The following MDGA2 variants were observed in gnomAD, a reference collection of about 807,000 sequenced individuals.
MDGA2 encodes the protein MAM domain containing glycosylphosphatidylinositol anchor 2, also known as MAM domain-containing glycosylphosphatidylinositol anchor protein 2.
A neutral mutation model predicts 117.8 loss-of-function variants in MDGA2; 40 were observed. The observed-to-expected ratio is 0.34, with a 90% CI of 0.26 to 0.44. The LOEUF is 0.44. Among genes scored for constraint, MDGA2 ranks in the 20% least tolerant of loss-of-function variants. MDGA2 has a pLI of 1.00. For missense variants in MDGA2, 1,123 were observed against 1,250.6 expected (o/e 0.90, Z 1.54); for synonymous variants, 452 against 439.0 (o/e 1.03, Z -0.37).
chr14:47,538,089 A>G (rs2144323), intron 1 of MDGA2, among the ~76,000 whole-genome samples: 47,843 of 152,168 alleles, frequency 0.31, 8,455 homozygotes, highest in East Asian at 0.59. Flanking sequence ...AATTTAAACT[A>G]TAATTGCTAG....
chr14:47,377,326 T>C (rs1177721123), intron 1 of MDGA2, among the ~76,000 whole-genome samples: 1 of 152,158 alleles, frequency 6.6e-6, no homozygotes, highest in Non-Finnish European at 1.5e-5. Context: ...GATTTCTGCA[T>C]TGCTAACTGA....
chr14:47,162,735 C>A (rs1203172222), intron 3 of MDGA2, among the ~76,000 whole-genome samples: 1 of 151,832 alleles, frequency 6.6e-6, no homozygotes, highest in Non-Finnish European at 1.5e-5. Context: ...TCCCTCTTTC[C>A]CCTCCTCATG....
chr14:47,537,391 C>T (rs1275030149), intron 1 of MDGA2, among the ~76,000 whole-genome samples: 5 of 150,728 alleles, frequency 3.3e-5, no homozygotes, highest in African/African-American at 1.2e-4. Flanking sequence ...ACCAACATGG[C>T]ACATGTATAC....
chr14:47,211,550 C>A (rs886909782), intron 3 of MDGA2, among the ~76,000 whole-genome samples: 2 of 152,148 alleles, frequency 1.3e-5, no homozygotes, highest in Non-Finnish European at 2.9e-5. Context: ...AAAGGTCCTG[C>A]AAGAAAGCCT....
intron 5 of MDGA2, among the ~76,000 whole-genome samples, chr14:47,124,824 A>G (rs1401901644): frequency 6.6e-6 from 1 of 152,096 alleles, no homozygotes; most frequent in Non-Finnish European, 1.5e-5. Context: ...CACAGCAAGA[A>G]AGCAGCCATC....
chr14:47,028,887 G>A (rs1329936275), intron 8 of MDGA2, among the ~76,000 whole-genome samples: 1 of 151,998 alleles, frequency 6.6e-6, no homozygotes, highest in Non-Finnish European at 1.5e-5. Context: ...AAAATTTTTG[G>A]ATAGCCTTTT....
chr14:46,938,407 C>T (rs1039929639), intron 9 of MDGA2, among the ~76,000 whole-genome samples: 4 of 151,030 alleles, frequency 2.6e-5, no homozygotes, highest in East Asian at 2.0e-4. Flanking sequence ...GGTGTAGTGG[C>T]GGGAGCCTAT....
chr14:47,435,287 A>T lies in MDGA2; in HGVS notation c.281-133737T>A, dbSNP rs182852743. 4.5e-3 allele frequency among the ~76,000 whole-genome samples: 684 copies of T among 152,264 alleles called. 7 individuals are homozygous for T. Among genetic ancestry groups the T allele is most frequent in the South Asian group, 7.7e-3 (37 of 4,828 alleles). ...CTCTTAAATATACCCAATTCTCTTAATTTTTAACTAAACCAAGATTTTGTG... is the reference window on the plus strand; with the variant it reads ...CTCTTAAATATACCCAATTCTCTTATTTTTTAACTAAACCAAGATTTTGTG... On this transcript the variant is annotated intron_variant, in intron 1 of 16. Transcript: ENST00000399232.
At chr14:47,592,786 G>T (rs905322545) in intron 1 of MDGA2, among the ~76,000 whole-genome samples, 1 of 152,050 alleles carries the variant, frequency 6.6e-6, no homozygotes, top group African/African-American at 2.4e-5. Flanking sequence ...AAAAACCCTG[G>T]AAAAATAATC....
At chr14:47,262,546 G>C (rs768645199) in intron 2 of MDGA2, among the ~76,000 whole-genome samples, 36 of 152,188 alleles carry the variant, frequency 2.4e-4, no homozygotes, top group Non-Finnish European at 4.7e-4. Context: ...ATAGGCACCA[G>C]TGGAAATTCT....
intron 1 of MDGA2, among the ~76,000 whole-genome samples, chr14:47,319,290 ATCTTC>A (rs1159511467): frequency 1.3e-5 from 2 of 151,942 alleles, no homozygotes; most frequent in African/African-American, 4.8e-5. Flanking sequence ...ATTCAAACAA[ATCTTC>A]TCTTCTGTGA....
intron 2 of MDGA2, among the ~76,000 whole-genome samples, chr14:47,237,611 T>C (rs935982083): frequency 7.9e-5 from 12 of 152,168 alleles, no homozygotes; most frequent in Non-Finnish European, 1.6e-4. Flanking sequence ...TATCTGTTCG[T>C]AGTGGATGTC....
chr14:47,130,189 A>G (rs1230949911), intron 5 of MDGA2, among the ~76,000 whole-genome samples: 1 of 151,862 alleles, frequency 6.6e-6, no homozygotes, highest in Non-Finnish European at 1.5e-5. Flanking sequence ...CTGAATGGTA[A>G]TGCCTAGGTT....
chr14:47,246,986 A>C (rs1305811469), intron 2 of MDGA2, among the ~76,000 whole-genome samples: 1 of 151,780 alleles, frequency 6.6e-6, no homozygotes, highest in Non-Finnish European at 1.5e-5. Flanking sequence ...ATATTGTGCG[A>C]TCCTCAGTTA....
chr14:46,984,248 C>T (rs1886786635), intron 8 of MDGA2, among the ~76,000 whole-genome samples: 1 of 151,964 alleles, frequency 6.6e-6, no homozygotes. Flanking sequence ...TCTACTTCCT[C>T]AAACTGCTTC....
intron 14 of MDGA2, among the ~76,000 whole-genome samples, chr14:46,861,124 T>G (rs935344266): frequency 2.0e-5 from 3 of 151,880 alleles, no homozygotes; most frequent in African/African-American, 7.2e-5. Flanking sequence ...GCATGACCTT[T>G]TATTTTGATT....
intron 1 of MDGA2, among the ~76,000 whole-genome samples, chr14:47,473,759 A>G (rs1410793500): frequency 1.3e-5 from 2 of 152,214 alleles, no homozygotes; most frequent in Non-Finnish European, 2.9e-5. Flanking sequence ...AAGGCCTTCA[A>G]TAAAATTCAA....
rs551817985 is a variant in MDGA2, at chr14:47,390,929, G to A, written c.281-89379C>T. Among the ~76,000 whole-genome samples, 4 of 152,114 alleles carry A rather than the reference G, an allele frequency of 2.6e-5. No individual in the cohort carries two copies. In the South Asian group the frequency reaches 6.2e-4, roughly 24 times the overall value. ...GAATGGACCAAATTTTTCAAGGTCT[G>A]GTCTCTTTTCTATTTTTCCAACCCT... On this transcript the variant is annotated intron_variant, in intron 1 of 16. Coordinates refer to ENST00000399232, the MANE Select transcript of MDGA2 (RefSeq NM_001113498.3).
intron 1 of MDGA2, among the ~76,000 whole-genome samples, chr14:47,500,506 C>G (rs1894378048): frequency 6.6e-6 from 1 of 152,054 alleles, no homozygotes; most frequent in African/African-American, 2.4e-5. Flanking sequence ...TATCCAAATA[C>G]TAATTCTCAC....
Sources: gnomAD v4.1 joint callset for allele counts (sites outside exome capture counted in the v4.1 genomes callset) on GRCh38, gnomAD v4.1.1 for gene constraint, MANE v1.5 for transcripts, NCBI Gene and HGNC (gene_info 2026-07-23, HGNC 2026-07-21) for gene names.